The following TMEM43 variants were observed in gnomAD, a reference collection of about 807,000 sequenced individuals.
TMEM43 encodes transmembrane protein 43.
TMEM43 carries 45 observed loss-of-function variants against 49.6 expected under a neutral mutation model. That is an observed-to-expected ratio of 0.91 (90% CI 0.71 to 1.16). TMEM43 has a LOEUF of 1.16. Ranked by LOEUF, TMEM43 falls within the 50% of genes most tolerant of loss-of-function variation. TMEM43 has a pLI of 0.00. For synonymous variants in TMEM43, 199 were observed against 207.8 expected (o/e 0.96, Z 0.36); for missense variants, 532 against 516.6 (o/e 1.03, Z -0.29).
intron 1 of TMEM43, chr3:14,129,130 C>T (rs946073443): frequency 2.5e-6 from 1 of 397,582 alleles, no homozygotes; most frequent in Non-Finnish European, 4.8e-6. Context: ...CCACCAGTTA[C>T]CTCTGGTTGG....
chr3:14,125,179 G>A lies in TMEM43; in HGVS notation c.-15G>A, dbSNP rs1397752021. ...CTGAACAGCGCGAGGCGGCGGCAGC[G>A]AGCCGGGTCCCACCATGGCCGCGAA... On this transcript the variant is annotated 5_prime_UTR_variant, in exon 1 of 12. Coordinates refer to ENST00000306077, the MANE Select transcript of TMEM43 (RefSeq NM_024334.3). 1.9e-6 allele frequency: 3 copies of A among 1,609,960 alleles called. No homozygotes were observed. The highest frequency in any genetic ancestry group is 2.2e-5 in the East Asian group (1 of 44,748).
At chr3:14,132,337 G>A (rs772404236) in intron 4 of TMEM43, among the ~76,000 whole-genome samples, 3 of 152,196 alleles carry the variant, frequency 2.0e-5, no homozygotes, top group Non-Finnish European at 2.9e-5. Flanking sequence ...ATGGGAGAGC[G>A]CTTTCCTCCA....
Position 14,135,829 on chromosome 3 carries a change from G to T in TMEM43, c.803G>T (p.Arg268Leu), listed in dbSNP as rs769969149. 13 of 1,613,536 alleles carry T rather than the reference G, an allele frequency of 8.1e-6. No individual in the cohort carries two copies. Among genetic ancestry groups the T allele is most frequent in the Non-Finnish European group, 1.0e-5 (12 of 1,180,042 alleles). The part of the protein sequence containing the change: ...AHVVTVIARQ[R>L]GDQLVPFSTK... ...CAGGTCACTGTGATTGCCCGGCAGC[G>T]GGGTGACCAGCTAGTCCCATTCTCC... Residue 268 changes from arginine (R) to leucine (L), a missense_variant, in exon 10 of 12, where the codon CGG becomes CTG. By Grantham distance (102) the Arg-to-Leu change is moderately radical (BLOSUM62 -2). Coordinates refer to ENST00000306077, the MANE Select transcript of TMEM43 (RefSeq NM_024334.3).
At chr3:14,138,158 C>T (rs1323442872) in intron 10 of TMEM43, among the ~76,000 whole-genome samples, 1 of 152,110 alleles carries the variant, frequency 6.6e-6, no homozygotes, top group Non-Finnish European at 1.5e-5. Flanking sequence ...AAGCAAAGCT[C>T]AAAAGAATAT....
intron 9 of TMEM43, among the ~76,000 whole-genome samples, chr3:14,135,573 C>A (rs927024528): frequency 6.6e-6 from 1 of 152,242 alleles, no homozygotes. Context: ...CCTGCCCCAT[C>A]CCCTGCTCTG....
rs1480504433 is a variant in TMEM43, at chr3:14,131,587, C to G, written c.305C>G (p.Ser102Cys). 2.5e-6 allele frequency: 4 copies of G among 1,613,976 alleles called. No homozygotes were observed. The highest frequency in any genetic ancestry group is 1.7e-5 in the Admixed American group (1 of 60,004). Residue 102 changes from serine to cysteine, a missense_variant, in exon 4 of 12, where the codon TCT becomes TGT. By Grantham distance (112) the Ser-to-Cys change is moderately radical. Transcript: ENST00000306077. ...IGALRTSKLL[S>C]DPNYGVHLPA... The stretch of plus-strand genomic sequence containing the variant: ...CTTTGATTCTGTTTGAAGCTTTTGT[C>G]TGATCCAAACTATGGGGTCCATCTT...
chr3:14,131,510 T>C, intron 3 of TMEM43, 70 bp from the exon 4 acceptor site: 1 of 1,334,028 alleles, frequency 7.5e-7, no homozygotes, highest in Non-Finnish European at 1.1e-6. Context: ...CAGCTTCCCC[T>C]GAGCCAGGCT....
At chr3:14,134,031 T>G (rs1262176513) in intron 7 of TMEM43, among the ~76,000 whole-genome samples, 1 of 152,194 alleles carries the variant, frequency 6.6e-6, no homozygotes, top group Non-Finnish European at 1.5e-5. Flanking sequence ...CTCTGAAATC[T>G]GGGTTGTTCC....
At chr3:14,140,384 A>C (rs917257128) in intron 11 of TMEM43, among the ~76,000 whole-genome samples, 1 of 151,728 alleles carries the variant, frequency 6.6e-6, no homozygotes, top group South Asian at 2.1e-4. Context: ...AATTCACTCT[A>C]CGTCTGGAAT....
At position 14,143,024 on chromosome 3, in the gene TMEM43, G is replaced by A. The variant is rs1695272818; in HGVS notation, c.*1229G>A. 1 of 152,114 alleles carries A rather than the reference G, an allele frequency of 6.6e-6. No individual in the cohort carries two copies. The highest frequency in any genetic ancestry group is 2.4e-5 in the African/African-American group (1 of 41,388). The allele number at this position is 152,114 out of a possible 1,614,324, so 9.4% of individuals were successfully genotyped here. On this transcript the variant is annotated 3_prime_UTR_variant, in exon 12 of 12. Transcript: ENST00000306077. ...CGATGTGGGCACCTGGGCTTCCTAG[G>A]GCTGCTTCTGAGTGGTTCTTTCACG...
At position 14,143,480 on chromosome 3, in the gene TMEM43, G is replaced by A. The variant is rs1695282080; in HGVS notation, c.*1685G>A. The A allele has an allele frequency of 6.6e-6, 1 of 152,158 alleles. No individual in the cohort carries two copies. Among genetic ancestry groups the A allele is most frequent in the Admixed American group, 6.5e-5 (1 of 15,276 alleles). 9.4% of individuals were successfully genotyped at this position (152,158 alleles called of 1,614,324 possible). On this transcript the variant is annotated 3_prime_UTR_variant, in exon 12 of 12. Coordinates refer to ENST00000306077, the MANE Select transcript of TMEM43 (RefSeq NM_024334.3). ...CTTAAAGGATGCTTTCGGAAAACAC[G>A]CTGTATACCTAGATGATGACTAAAT...
At position 14,137,462 on chromosome 3, in the gene TMEM43, C is replaced by A. The variant is rs143329385; in HGVS notation, c.882+1554C>A. Reference sequence around the variant, plus strand: ...GCAGTGCAGATGCTCAGGCGGCCTCCTTACCCCCTGGGTCTCCTGCTGCTT... The same window carrying A: ...GCAGTGCAGATGCTCAGGCGGCCTCATTACCCCCTGGGTCTCCTGCTGCTT... On this transcript the variant is annotated intron_variant, in intron 10 of 11. Coordinates refer to ENST00000306077, the MANE Select transcript of TMEM43 (RefSeq NM_024334.3). 5.8e-3 allele frequency among the ~76,000 whole-genome samples: 889 copies of A among 152,296 alleles called. 16 individuals are homozygous for A. The highest frequency in any genetic ancestry group is 0.02 in the African/African-American group (835 of 41,556).
chr3:14,130,890 C>G lies in TMEM43; in HGVS notation c.231C>G (p.Ile77Met), dbSNP rs899266809. ...GLSLVVSPDS[I>M]HSVAPENEGR... is the part of the protein sequence containing the mutation. ...CGCTTGTGGTGTCTCCCGACAGCAT[C>G]CACAGTGTGGCTCCGGAGAATGAAG... Residue 77 changes from isoleucine to methionine, a missense_variant, in exon 3 of 12, where the codon ATC becomes ATG. Coordinates refer to ENST00000306077, the MANE Select transcript of TMEM43 (RefSeq NM_024334.3). The G allele has an allele frequency of 5.0e-6, 8 of 1,613,628 alleles. No homozygotes were observed. Among genetic ancestry groups the G allele is most frequent in the African/African-American group, 1.3e-5 (1 of 74,906 alleles).
At chr3:14,134,014 CA>C (rs1327950986) in intron 7 of TMEM43, among the ~76,000 whole-genome samples, 14 of 152,194 alleles carry the variant, frequency 9.2e-5, no homozygotes, top group African/African-American at 3.4e-4. Flanking sequence ...TCCATCCTAC[CA>C]GGTTCCTCTG....
rs1695099877 is a variant in TMEM43, at chr3:14,131,726, G to A, written c.392+52G>A. 3 of 1,327,880 alleles carry A rather than the reference G, an allele frequency of 2.3e-6. No individual in the cohort carries two copies. In the South Asian group the frequency reaches 3.6e-5, roughly 16 times the overall value. The allele number at this position is 1,327,880 out of a possible 1,614,324, so 82.3% of individuals were successfully genotyped here. ...TGGGGTAAAGGAGGAGTGAAGTGTA[G>A]GTGTCAGGATAACATGCAGATGTCT... On this transcript the variant is annotated intron_variant, in intron 4 of 11. Transcript: ENST00000306077.
intron 6 of TMEM43, among the ~76,000 whole-genome samples, chr3:14,133,507 AG>A (rs1695123846): frequency 6.6e-6 from 1 of 152,162 alleles, no homozygotes. Flanking sequence ...GCAGGGGTCT[AG>A]GCAAGAGGGT....
At chr3:14,132,981 C>T in intron 6 of TMEM43, 46 bp downstream of exon 6, 4 of 1,453,794 alleles carry the variant, frequency 2.8e-6, no homozygotes, top group Non-Finnish European at 3.9e-6. Flanking sequence ...TCTACACTGG[C>T]AGGTCTCCAG....
Position 14,142,657 on chromosome 3 carries a change from T to G in TMEM43, c.*862T>G, listed in dbSNP as rs1695267258. ...AGCACTGAAAGGTGTTAAATTGGGG[T>G]ATGTGGTTTGATTGATAAAAAGTTA... is the stretch of plus-strand genomic sequence containing the variant. On this transcript the variant is annotated 3_prime_UTR_variant, in exon 12 of 12. Transcript: ENST00000306077. 6.6e-6 allele frequency: 1 copy of G among 152,574 alleles called. No homozygotes were observed. The allele number at this position is 152,574 out of a possible 1,614,324, so 9.5% of individuals were successfully genotyped here.
chr3:14,128,840 C>T (rs1695053857), intron 1 of TMEM43: 3 of 421,688 alleles, frequency 7.1e-6, no homozygotes, highest in Non-Finnish European at 1.4e-5. Flanking sequence ...TTCACAGCAG[C>T]ATTATTCATA....
Sources: gnomAD v4.1 joint callset for allele counts (sites outside exome capture counted in the v4.1 genomes callset) on GRCh38, gnomAD v4.1.1 for gene constraint, MANE v1.5 for transcripts, NCBI Gene and HGNC (gene_info 2026-07-23, HGNC 2026-07-21) for gene names.